APBB2: variants seen among roughly 807,000 people sequenced by gnomAD.
APBB2 encodes Fe65-like 1.
Under a neutral mutation model 82.5 loss-of-function variants are expected in APBB2, and 38 were observed. The observed-to-expected ratio is 0.46, with a 90% CI of 0.36 to 0.60. The LOEUF (loss-of-function observed/expected upper bound fraction) is 0.60. Among genes scored for constraint, APBB2 ranks in the 20% least tolerant of loss-of-function variants. The pLI is 0.00. For synonymous variants in APBB2, 341 were observed against 368.2 expected (o/e 0.93, Z 0.85); for missense variants, 772 against 972.3 (o/e 0.79, Z 2.74).
intron 6 of APBB2, among the ~76,000 whole-genome samples, chr4:41,013,079 T>C (rs1219945252): frequency 6.6e-6 from 1 of 152,212 alleles, no homozygotes; most frequent in Non-Finnish European, 1.5e-5. Flanking sequence ...TCAGTAAATG[T>C]CAAAAAGAGA....
chr4:40,961,684 A>AGTT (rs1560393608), intron 6 of APBB2, among the ~76,000 whole-genome samples: 14 of 140,202 alleles, frequency 1.0e-4, no homozygotes, highest in East Asian at 6.2e-4. Flanking sequence ...AAAAAAAAAA[A>AGTT]AAAAAAAAAA....
chr4:41,100,252 C>G (rs1308997487), intron 3 of APBB2, among the ~76,000 whole-genome samples: 1 of 152,116 alleles, frequency 6.6e-6, no homozygotes, highest in African/African-American at 2.4e-5. Context: ...AATTCAGAAC[C>G]AAAAAGCCTA....
chr4:41,087,941 C>T (rs575226553), intron 3 of APBB2, among the ~76,000 whole-genome samples: 2 of 152,270 alleles, frequency 1.3e-5, no homozygotes, highest in South Asian at 4.1e-4. Flanking sequence ...GCGTGGGCCT[C>T]CACAAAACAG....
At chr4:41,057,913 A>T (rs1383844493) in intron 4 of APBB2, among the ~76,000 whole-genome samples, 2 of 152,108 alleles carry the variant, frequency 1.3e-5, no homozygotes, top group Non-Finnish European at 2.9e-5. Context: ...TGAGGACAAC[A>T]CATTCTTCTC....
intron 5 of APBB2, among the ~76,000 whole-genome samples, chr4:41,015,832 T>C (rs1809753168): frequency 6.6e-6 from 1 of 152,310 alleles, no homozygotes; most frequent in Admixed American, 6.5e-5. Flanking sequence ...AAACAGAGAA[T>C]GTAGTGTGGT....
chr4:40,883,131 A>G (rs1210085219), intron 12 of APBB2, among the ~76,000 whole-genome samples: 1 of 152,200 alleles, frequency 6.6e-6, no homozygotes, highest in African/African-American at 2.4e-5. Context: ...CAGCTGTGGC[A>G]TGAGAACTAA....
At chr4:41,041,083 T>TG (rs1417682737) in intron 4 of APBB2, among the ~76,000 whole-genome samples, 1 of 152,146 alleles carries the variant, frequency 6.6e-6, no homozygotes, top group Non-Finnish European at 1.5e-5. Context: ...GGTTTCACCG[T>TG]GTTAGCCAGG....
chr4:41,148,264 A>G (rs1323854579), intron 1 of APBB2, among the ~76,000 whole-genome samples: 3 of 152,200 alleles, frequency 2.0e-5, no homozygotes, highest in African/African-American at 7.2e-5. Flanking sequence ...TAATAGGTTC[A>G]CTAATGTTTT....
chr4:40,953,827 G>A (rs1464137013), intron 6 of APBB2, among the ~76,000 whole-genome samples: 2 of 152,192 alleles, frequency 1.3e-5, no homozygotes, highest in East Asian at 3.8e-4. Context: ...AAAGCCATCG[G>A]TGTCCTTTCA....
chr4:41,131,302 A>T (rs985904812), intron 2 of APBB2, among the ~76,000 whole-genome samples: 1 of 152,118 alleles, frequency 6.6e-6, no homozygotes, highest in Non-Finnish European at 1.5e-5. Context: ...CTATCTTTGT[A>T]TTAGGTATTG....
At chr4:40,857,194 C>CCCCG (rs1240608375) in intron 12 of APBB2, 1 of 985,004 alleles carries the variant, frequency 1.0e-6, no homozygotes, top group African/African-American at 1.8e-5. Context: ...GCCCTCCCTG[C>CCCCG]CCCGCCCGCC....
chr4:40,839,097 A>G (rs2154310877), intron 12 of APBB2, among the ~76,000 whole-genome samples: 1 of 152,108 alleles, frequency 6.6e-6, no homozygotes, highest in Admixed American at 6.5e-5. Context: ...TATTATTTTG[A>G]GACAGGGTCT....
chr4:41,117,295 A>ATTT (rs5857777), intron 2 of APBB2, among the ~76,000 whole-genome samples: 20 of 129,736 alleles, frequency 1.5e-4, no homozygotes, highest in Non-Finnish European at 2.3e-4. Flanking sequence ...TATTATTATT[A>ATTT]TTTTTTTTTT....
At chr4:41,147,739 T>G (rs1406639147) in intron 1 of APBB2, among the ~76,000 whole-genome samples, 1 of 152,070 alleles carries the variant, frequency 6.6e-6, no homozygotes, top group Non-Finnish European at 1.5e-5. Context: ...TCCACATGAC[T>G]CAGACTTTTT....
At chr4:41,054,430 C>T (rs1157681891) in intron 4 of APBB2, among the ~76,000 whole-genome samples, 1 of 152,102 alleles carries the variant, frequency 6.6e-6, no homozygotes, top group Non-Finnish European at 1.5e-5. Context: ...GGCTGATCTC[C>T]ACACCACCCT....
chr4:41,210,135 C>T (rs949314959), intron 1 of APBB2, among the ~76,000 whole-genome samples: 2 of 152,176 alleles, frequency 1.3e-5, no homozygotes, highest in African/African-American at 2.4e-5. Context: ...ACTTGCCCGC[C>T]GCTCACCTCC....
intron 10 of APBB2, among the ~76,000 whole-genome samples, chr4:40,907,839 G>GT (rs530498609): frequency 2.3e-3 from 343 of 146,098 alleles, no homozygotes; most frequent in African/African-American, 7.1e-3. Context: ...AAAAAGGTGG[G>GT]TTTTTTTTTT....
intron 4 of APBB2, among the ~76,000 whole-genome samples, chr4:41,041,266 A>C (rs1336371173): frequency 6.6e-6 from 1 of 152,216 alleles, no homozygotes; most frequent in East Asian, 1.9e-4. Context: ...CTATTTAAAA[A>C]AAAATCCTTT....
At chr4:41,211,882 G>C (rs1779414780) in intron 1 of APBB2, among the ~76,000 whole-genome samples, 1 of 152,174 alleles carries the variant, frequency 6.6e-6, no homozygotes. Context: ...AGGTACGTGT[G>C]CAGGATGTGC....
Sources: allele counts gnomAD v4.1 joint callset (sites outside exome capture counted in the v4.1 genomes callset), GRCh38; gene constraint gnomAD v4.1.1; transcripts MANE v1.5; gene names NCBI Gene and HGNC (gene_info 2026-07-23, HGNC 2026-07-21).